Variants in SLC25A48 observed in about 807,000 individuals in gnomAD.
SLC25A48 encodes solute carrier family 25 member 48, also known as CTC-321K16.1.
In SLC25A48, 29 loss-of-function variants were observed where a neutral mutation model predicts 32.2. That is an observed-to-expected ratio of 0.90 (90% CI 0.67 to 1.23). The LOEUF is 1.23. Among genes scored for constraint, SLC25A48 ranks in the 50% most tolerant of loss-of-function variants. The probability of loss-of-function intolerance (pLI) is 0.00; values close to 1 mark genes in which losing one functional copy is unlikely to be tolerated. For missense variants in SLC25A48, 399 were observed against 422.7 expected (o/e 0.94, Z 0.49); for synonymous variants, 164 against 172.3 (o/e 0.95, Z 0.38).
At chr5:135,630,587 C>A (rs144309304) in intron 2 of SLC25A48, among the ~76,000 whole-genome samples, 4,501 of 93,364 alleles carry the variant, frequency 0.048, 135 homozygotes, top group African/African-American at 0.062. Flanking sequence ...AGGCTGGGCA[C>A]CTTTTTTTTT....
rs144765225 is a variant in SLC25A48, at chr5:135,844,429, G to A, written c.90+1970G>A. 2.6e-5 allele frequency among the ~76,000 whole-genome samples: 4 copies of A among 152,274 alleles called. No individual in the cohort carries two copies. The East Asian group carries it at 5.8e-4, about 22-fold the overall frequency. ...TCATTCCCAGTCTGTCTTCTCCAGG[G>A]TTCATTCAACAAACCAGTTCACAAG... is the stretch of plus-strand genomic sequence containing the variant. On this transcript the variant is annotated intron_variant, in intron 2 of 7. Transcript: ENST00000681962.
At chr5:135,853,739 A>G (rs555493037) in intron 4 of SLC25A48, among the ~76,000 whole-genome samples, 1 of 152,340 alleles carries the variant, frequency 6.6e-6, no homozygotes, top group South Asian at 2.1e-4. Context: ...TCTTGTTAAC[A>G]TTGCTATTTT....
intron 3 of SLC25A48, among the ~76,000 whole-genome samples, chr5:135,723,392 A>T (rs796517561): frequency 1.2e-5 from 1 of 80,100 alleles, no homozygotes; most frequent in Non-Finnish European, 2.9e-5. Context: ...ACACACACAC[A>T]CACACACACA....
chr5:135,734,559 G>C (rs1168930156), intron 3 of SLC25A48, among the ~76,000 whole-genome samples: 5 of 152,002 alleles, frequency 3.3e-5, no homozygotes, highest in African/African-American at 1.2e-4. Context: ...CGGGTGCGGT[G>C]GCTCACACCT....
chr5:135,744,252 G>T (rs1382846912), intron 3 of SLC25A48, among the ~76,000 whole-genome samples: 1 of 152,124 alleles, frequency 6.6e-6, no homozygotes, highest in Non-Finnish European at 1.5e-5. Context: ...ACATTTCTGT[G>T]TTTTCCAGAG....
intron 1 of SLC25A48, among the ~76,000 whole-genome samples, chr5:135,585,961 A>G (rs1297610390): frequency 3.9e-5 from 6 of 152,176 alleles, no homozygotes; most frequent in African/African-American, 1.4e-4. Flanking sequence ...TTTGCTTTAT[A>G]TTTATGAAAT....
chr5:135,673,643 A>G (rs371855564), intron 3 of SLC25A48, among the ~76,000 whole-genome samples: 12 of 152,000 alleles, frequency 7.9e-5, no homozygotes, highest in African/African-American at 2.7e-4. Context: ...TTTTGCAATT[A>G]TTTTCTGAGT....
chr5:135,874,862 C>T (rs751871782), intron 6 of SLC25A48: 35 of 490,602 alleles, frequency 7.1e-5, no homozygotes, highest in Non-Finnish European at 8.6e-5. Context: ...CTTGCTTGCA[C>T]GGGCTCCTTG....
intron 3 of SLC25A48, among the ~76,000 whole-genome samples, chr5:135,744,367 T>C (rs1414091729): frequency 1.3e-5 from 2 of 151,990 alleles, no homozygotes; most frequent in Non-Finnish European, 2.9e-5. Context: ...TTTTTTTCTT[T>C]TGAGACAGGG....
At chr5:135,771,094 G>A (rs1031664168) in intron 3 of SLC25A48, among the ~76,000 whole-genome samples, 2 of 134,220 alleles carry the variant, frequency 1.5e-5, no homozygotes, top group Admixed American at 7.4e-5. Flanking sequence ...TTTCAATATC[G>A]TGGGGGTGTA....
intron 3 of SLC25A48, among the ~76,000 whole-genome samples, chr5:135,802,514 TTGGAAGATATCA>T (rs1757356150): frequency 6.6e-6 from 1 of 151,462 alleles, no homozygotes; most frequent in African/African-American, 2.4e-5. Flanking sequence ...TCTAGTATCC[TTGGAAGATATCA>T]CTCTTAGTAT....
Position 135,861,570 on chromosome 5 carries a change from A to C in SLC25A48, c.421+8749A>C, listed in dbSNP as rs1343354066. ...TCAGCACAATGTCTGGCATATAGAA[A>C]ATGTGAAATAAATGTTAATTATCAG... On this transcript the variant is annotated intron_variant, in intron 4 of 7. Coordinates refer to ENST00000681962, the MANE Select transcript of SLC25A48 (RefSeq NM_001349336.2). Among the ~76,000 whole-genome samples the C allele has an allele frequency of 2.0e-5, 3 of 152,264 alleles. No homozygotes were observed. In the East Asian group the frequency reaches 5.8e-4, roughly 29 times the overall value.
intron 3 of SLC25A48, among the ~76,000 whole-genome samples, chr5:135,663,899 G>C (rs191608893): frequency 6.6e-6 from 1 of 152,290 alleles, no homozygotes; most frequent in Admixed American, 6.5e-5. Context: ...TGTCAGGCTG[G>C]GTGATGCCCG....
chr5:135,773,491 A>G lies in SLC25A48; in HGVS notation c.-520-39032A>G, dbSNP rs148831488. On this transcript the variant is annotated intron_variant, in intron 3 of 10. Coordinates refer to the SLC25A48 transcript ENST00000646290. ...TGTTCATAATATCCAGAAAGGGAGA[A>G]AATTATATTACTCCCAACATCACAG... is the stretch of plus-strand genomic sequence containing the variant. Among the ~76,000 whole-genome samples, 780 of 149,370 alleles carry G rather than the reference A, an allele frequency of 5.2e-3. 4 individuals carry two copies. The highest frequency in any genetic ancestry group is 0.018 in the African/African-American group (749 of 40,704).
At chr5:135,841,312 A>G (rs1479688424) in intron 1 of SLC25A48, among the ~76,000 whole-genome samples, 1 of 152,212 alleles carries the variant, frequency 6.6e-6, no homozygotes, top group Non-Finnish European at 1.5e-5. Flanking sequence ...TCCTTATCAA[A>G]TACGTGATTT....
chr5:135,774,111 C>A (rs991306464), intron 3 of SLC25A48, among the ~76,000 whole-genome samples: 46 of 151,542 alleles, frequency 3.0e-4, no homozygotes, highest in African/African-American at 1.1e-3. Flanking sequence ...GATATTACTC[C>A]CTATATCGAA....
At chr5:135,881,202 C>T (rs1762449644) in intron 7 of SLC25A48, among the ~76,000 whole-genome samples, 1 of 152,238 alleles carries the variant, frequency 6.6e-6, no homozygotes, top group Admixed American at 6.5e-5. Context: ...TAAGTGTGGA[C>T]TGAACTTTCT....
At chr5:135,641,512 C>A (rs891884771) in intron 3 of SLC25A48, among the ~76,000 whole-genome samples, 89 of 152,274 alleles carry the variant, frequency 5.8e-4, no homozygotes, top group African/African-American at 2.1e-3. Context: ...TGAAGAACAA[C>A]ATAGGCTCCC....
intron 2 of SLC25A48, among the ~76,000 whole-genome samples, chr5:135,846,137 G>A (rs115585986): frequency 5.3e-4 from 81 of 152,302 alleles, no homozygotes; most frequent in Non-Finnish European, 1.3e-4. Flanking sequence ...TATGAACTGC[G>A]CATGCGAGGG....
Sources: gnomAD v4.1 joint callset for allele counts (sites outside exome capture counted in the v4.1 genomes callset) on GRCh38, gnomAD v4.1.1 for gene constraint, MANE v1.5 for transcripts, NCBI Gene and HGNC (gene_info 2026-07-23, HGNC 2026-07-21) for gene names.